The following ZNF618 variants were observed in gnomAD, a reference collection of about 807,000 sequenced individuals.
The protein encoded by ZNF618 is neural precursor cell expressed, developmentally down-regulated 10.
ZNF618 carries 34 observed loss-of-function variants against 103.0 expected under a neutral mutation model. The observed-to-expected ratio is 0.33, with a 90% CI of 0.25 to 0.44. The LOEUF is 0.44. ZNF618 is among the 20% of genes least tolerant of loss of function. The probability of loss-of-function intolerance (pLI) is 1.00; values close to 1 mark genes in which losing one functional copy is unlikely to be tolerated. For missense variants in ZNF618, 1,059 were observed against 1,295.4 expected, an observed-to-expected ratio of 0.82 and a Z score of 2.80; for synonymous variants, 551 against 542.2, an observed-to-expected ratio of 1.02 and a Z score of -0.23.
At chr9:113,992,598 A>C (rs886847406) in intron 3 of ZNF618, among the ~76,000 whole-genome samples, 1 of 152,082 alleles carries the variant, frequency 6.6e-6, no homozygotes, top group African/African-American at 2.4e-5. Flanking sequence ...TACTTCGCTA[A>C]CCCAGCCTCG....
intron 9 of ZNF618, among the ~76,000 whole-genome samples, chr9:114,013,500 G>A (rs921730375): frequency 6.6e-6 from 1 of 152,036 alleles, no homozygotes; most frequent in Non-Finnish European, 1.5e-5. Flanking sequence ...GCGCAGTCTC[G>A]GCTCACTGCA....
intron 1 of ZNF618, among the ~76,000 whole-genome samples, chr9:113,938,030 CG>C (rs924195665): frequency 9.9e-5 from 15 of 152,200 alleles, no homozygotes; most frequent in South Asian, 4.1e-4. Context: ...GAAGTCCTAT[CG>C]GGATTTTGAC....
intron 1 of ZNF618, among the ~76,000 whole-genome samples, chr9:113,915,820 G>A (rs1832020630): frequency 6.6e-6 from 1 of 152,152 alleles, no homozygotes. Flanking sequence ...AAACCAGGTA[G>A]AGAATTTTGC....
At chr9:113,951,473 ATGTG>A (rs1193622656) in intron 1 of ZNF618, among the ~76,000 whole-genome samples, 40 of 42,046 alleles carry the variant, frequency 9.5e-4, no homozygotes, top group South Asian at 2.1e-3. Context: ...ATATGTGTGT[ATGTG>A]TACACATATA....
At chr9:114,002,182 C>G (rs1267367303) in intron 5 of ZNF618, 109 bp downstream of exon 5, 1 of 953,222 alleles carries the variant, frequency 1.0e-6, no homozygotes, top group East Asian at 2.4e-5. Context: ...ACAGCTCCAG[C>G]CTTTCCCATT....
At chr9:113,934,517 C>A (rs1310268656) in intron 1 of ZNF618, among the ~76,000 whole-genome samples, 4 of 152,184 alleles carry the variant, frequency 2.6e-5, no homozygotes. Flanking sequence ...TGGAAAGCAC[C>A]ACAGACTGGT....
chr9:113,898,549 C>A (rs1199264894), intron 1 of ZNF618, among the ~76,000 whole-genome samples: 2 of 151,602 alleles, frequency 1.3e-5, no homozygotes, highest in African/African-American at 4.9e-5. Flanking sequence ...GCCTCAGCCT[C>A]CTGAGGAGCT....
intron 4 of ZNF618, among the ~76,000 whole-genome samples, chr9:113,999,486 A>G (rs1477563554): frequency 6.6e-6 from 1 of 152,172 alleles, no homozygotes. Context: ...CTCACTCTGC[A>G]CTGGGGGTCA....
intron 1 of ZNF618, among the ~76,000 whole-genome samples, chr9:113,924,000 G>T (rs1010314829): frequency 3.9e-5 from 6 of 152,038 alleles, no homozygotes; most frequent in Admixed American, 6.6e-5. Context: ...TTGGATTAGG[G>T]ATGCTAAACT....
intron 7 of ZNF618, 82 bp downstream of exon 7, chr9:114,007,521 C>G: frequency 7.5e-7 from 1 of 1,327,654 alleles, no homozygotes; most frequent in East Asian, 2.4e-5. Flanking sequence ...CTCCCCGCCT[C>G]CCTCCTCCCT....
chr9:114,002,286 A>G (rs547847116), intron 5 of ZNF618, among the ~76,000 whole-genome samples: 16 of 152,150 alleles, frequency 1.1e-4, no homozygotes, highest in Non-Finnish European at 2.2e-4. Context: ...GGGACTCTGC[A>G]GGACACACCA....
chr9:113,913,489 G>C (rs531831849), intron 1 of ZNF618, among the ~76,000 whole-genome samples: 34 of 152,370 alleles, frequency 2.2e-4, no homozygotes, highest in African/African-American at 7.7e-4. Flanking sequence ...CCTGCAGGAG[G>C]GGGCGACAGC....
intron 2 of ZNF618, among the ~76,000 whole-genome samples, chr9:113,979,505 G>A (rs1442762080): frequency 1.3e-5 from 2 of 152,210 alleles, no homozygotes; most frequent in African/African-American, 2.4e-5. Flanking sequence ...CCTAACCTAT[G>A]TTATAATAAA....
intron 1 of ZNF618, among the ~76,000 whole-genome samples, chr9:113,908,410 G>A (rs527472417): frequency 1.3e-5 from 2 of 152,120 alleles, no homozygotes; most frequent in South Asian, 2.1e-4. Context: ...TTGTCTTCGT[G>A]GGCTCCTTCC....
chr9:113,991,320 T>A (rs1292935949), intron 3 of ZNF618, among the ~76,000 whole-genome samples: 1 of 152,202 alleles, frequency 6.6e-6, no homozygotes, highest in Non-Finnish European at 1.5e-5. Flanking sequence ...GGCGTGGCCA[T>A]CCAAGGCGGC....
intron 9 of ZNF618, among the ~76,000 whole-genome samples, chr9:114,012,593 C>T (rs914593518): frequency 6.6e-6 from 1 of 152,118 alleles, no homozygotes; most frequent in Non-Finnish European, 1.5e-5. Flanking sequence ...GAAAAAGCAA[C>T]AGAATAAGAA....
chr9:113,926,179 T>G (rs560423840), intron 1 of ZNF618, among the ~76,000 whole-genome samples: 2 of 151,800 alleles, frequency 1.3e-5, no homozygotes, highest in East Asian at 3.9e-4. Flanking sequence ...TTTAGGACTT[T>G]CAGTATTTCA....
chr9:113,999,343 G>C (rs1318580597), intron 4 of ZNF618, among the ~76,000 whole-genome samples: 1 of 149,444 alleles, frequency 6.7e-6, no homozygotes, highest in Non-Finnish European at 1.5e-5. Flanking sequence ...AGGGGCAGGT[G>C]GGGCCCTGGG....
At chr9:113,951,544 T>TAC (rs1554733090) in intron 1 of ZNF618, among the ~76,000 whole-genome samples, 5 of 59,188 alleles carry the variant, frequency 8.4e-5, no homozygotes, top group African/African-American at 1.9e-4. Context: ...TGTACATATG[T>TAC]ACACATATGT....
Sources: gnomAD v4.1 joint callset for allele counts (sites outside exome capture counted in the v4.1 genomes callset) on GRCh38, gnomAD v4.1.1 for gene constraint, MANE v1.5 for transcripts, NCBI Gene and HGNC (gene_info 2026-07-23, HGNC 2026-07-21) for gene names.